The following MYH13 variants were observed in gnomAD, a reference collection of about 807,000 sequenced individuals.
MYH13 encodes the protein myosin heavy chain 13.
A neutral mutation model predicts 232.1 loss-of-function variants in MYH13; 177 were observed. The observed-to-expected ratio is 0.76, with a 90% CI of 0.67 to 0.86. MYH13 has a LOEUF of 0.86. Ranked by LOEUF, MYH13 falls within the 40% of genes least tolerant of loss-of-function variation. The pLI is 0.00. For synonymous variants in MYH13, 884 were observed against 923.5 expected, an observed-to-expected ratio of 0.96 and a Z score of 0.78; for missense variants, 2,246 against 2,405.9, an observed-to-expected ratio of 0.93 and a Z score of 1.39.
At position 10,357,819 on chromosome 17, in the gene MYH13, T is replaced by A; in HGVS notation, c.654A>T (p.Leu218=). 6.2e-7 allele frequency: 1 copy of A among 1,613,338 alleles called. No individual in the cohort carries two copies. Among genetic ancestry groups the A allele is most frequent in the Non-Finnish European group, 8.5e-7 (1 of 1,179,488 alleles). ...ETQPGKMQGT[L]EDQIIQANPL... is the part of the protein sequence containing the mutation. ...GGTTGGCCTGGATGATCTGATCCTCTAGGGTTCCCTAATAATAAACAAGAA... is the reference window on the plus strand; with the variant it reads ...GGTTGGCCTGGATGATCTGATCCTCAAGGGTTCCCTAATAATAAACAAGAA... The change falls in exon 8 of 41, where the codon CTA becomes CTT. Residue 218 remains leucine (L), a synonymous_variant. Transcript: ENST00000252172.
rs184103720 is a variant in MYH13, at chr17:10,308,495, C to T, written c.5169+739G>A. Among the ~76,000 whole-genome samples, 218 of 135,284 alleles carry T rather than the reference C, an allele frequency of 1.6e-3. 1 individual carries two copies. Among genetic ancestry groups the T allele is most frequent in the African/African-American group, 5.6e-3 (199 of 35,572 alleles). The allele number at this position is 135,284 out of a possible 152,430, so 88.8% of individuals were successfully genotyped here. Reference sequence around the variant, plus strand: ...AGACAAGGTTTTGCCATATTGCCCACGCTGGTCTCAGACTCCTGAGATCAA... The same window carrying T: ...AGACAAGGTTTTGCCATATTGCCCATGCTGGTCTCAGACTCCTGAGATCAA... On this transcript the variant is annotated intron_variant, in intron 35 of 40. Transcript: ENST00000252172.
chr17:10,362,716 G>C (rs757325596), intron 3 of MYH13, among the ~76,000 whole-genome samples: 1 of 152,172 alleles, frequency 6.6e-6, no homozygotes, highest in Non-Finnish European at 1.5e-5. Context: ...ATTCTGGTCT[G>C]ATGCCCCTCA....
At chr17:10,307,773 C>T (rs938655914) in intron 35 of MYH13, among the ~76,000 whole-genome samples, 4 of 152,080 alleles carry the variant, frequency 2.6e-5, no homozygotes, top group African/African-American at 7.2e-5. Flanking sequence ...ATTTATATTA[C>T]AAATACTTTT....
At chr17:10,361,786 C>A (rs1029377474) in intron 5 of MYH13, among the ~76,000 whole-genome samples, 1 of 152,218 alleles carries the variant, frequency 6.6e-6, no homozygotes. Flanking sequence ...ATTTCTCCAA[C>A]GTAGCATTCC....
In MYH13 at chr17:10,301,023, ACAT is replaced by A. The variant is rs532028047; in HGVS notation, c.5803-61_5803-59del. ...ATGAGTCAACTAAATGGGAGACTGA[ACAT>A]CATCTTGAAGTGAAGCAGCTGGAAA... On this transcript the variant is annotated intron_variant, in intron 40 of 40. Transcript: ENST00000252172. 52 of 1,480,498 alleles carry A rather than the reference ACAT, an allele frequency of 3.5e-5. No homozygotes were observed. The Admixed American group carries it at 4.0e-4, about 12-fold the overall frequency. The allele number at this position is 1,480,498 out of a possible 1,614,324, so 91.7% of individuals were successfully genotyped here.
At chr17:10,363,315 C>CAAAAAAAAAA (rs11390504) in intron 3 of MYH13, among the ~76,000 whole-genome samples, 16 of 91,766 alleles carry the variant, frequency 1.7e-4, no homozygotes, top group African/African-American at 6.1e-4. Flanking sequence ...GACTCCGTCT[C>CAAAAAAAAAA]AAAAAAAAAA....
At chr17:10,323,824 A>AAGAAGAAGAAGAAGAAGG (rs1567661532) in intron 23 of MYH13, among the ~76,000 whole-genome samples, 198 bp downstream of exon 23, 2 of 144,654 alleles carry the variant, frequency 1.4e-5, no homozygotes, top group African/African-American at 5.1e-5. Context: ...GAAGAAGAAG[A>AAGAAGAAGAAGAAGAAGG]AGAAGAAGAG....
At chr17:10,338,764 G>A (rs1432233035) in intron 18 of MYH13, among the ~76,000 whole-genome samples, 1 of 149,994 alleles carries the variant, frequency 6.7e-6, no homozygotes, top group Non-Finnish European at 1.5e-5. Context: ...GCAGTGGCAC[G>A]ATCTCGGCTC....
Position 10,319,409 on chromosome 17 carries a change from C to T in MYH13, c.3349-230G>A, listed in dbSNP as rs530111244. ...CTGTAGTCCCAGCTACTCGGGAGGC[C>T]GAGGCAGGAGAATAGCTTGAACCTG... is the stretch of plus-strand genomic sequence containing the variant. On this transcript the variant is annotated intron_variant, in intron 26 of 40. Coordinates refer to ENST00000252172, the MANE Select transcript of MYH13 (RefSeq NM_003802.3). Among the ~76,000 whole-genome samples the T allele has an allele frequency of 4.3e-4, 65 of 151,080 alleles. 1 individual carries two copies. In the South Asian group the frequency reaches 0.012, roughly 27 times the overall value.
chr17:10,323,789 AGAAGAAGAAGAAG>A (rs1298560719), intron 23 of MYH13, among the ~76,000 whole-genome samples: 28 of 37,424 alleles, frequency 7.5e-4, no homozygotes, highest in East Asian at 2.7e-3. Flanking sequence ...AAAAAAAAAA[AGAAGAAGAAGAAG>A]AAGAAGAAGA....
chr17:10,369,110 GCCTATTACCTT>G (rs1020210695), intron 2 of MYH13, among the ~76,000 whole-genome samples: 1 of 152,056 alleles, frequency 6.6e-6, no homozygotes, highest in Non-Finnish European at 1.5e-5. Context: ...TTATTTTAAA[GCCTATTACCTT>G]ATTTTATCAA....
At chr17:10,328,517 T>C (rs910548267) in intron 21 of MYH13, among the ~76,000 whole-genome samples, 5 of 152,206 alleles carry the variant, frequency 3.3e-5, no homozygotes, top group Non-Finnish European at 7.3e-5. Flanking sequence ...TTTGAAACTT[T>C]CTCTGCCTTA....
intron 11 of MYH13, among the ~76,000 whole-genome samples, chr17:10,353,778 CA>C (rs2071727856): frequency 6.6e-6 from 1 of 152,012 alleles, no homozygotes; most frequent in Non-Finnish European, 1.5e-5. Context: ...GAGGCTGAGG[CA>C]AGAGAATCTC....
At chr17:10,337,891 A>G (rs916921518) in intron 18 of MYH13, among the ~76,000 whole-genome samples, 2 of 152,164 alleles carry the variant, frequency 1.3e-5, no homozygotes, top group Non-Finnish European at 2.9e-5. Flanking sequence ...CATCTCTACT[A>G]AAAGTACAAA....
chr17:10,348,457 T>C (rs534115139), intron 12 of MYH13, among the ~76,000 whole-genome samples: 1 of 152,258 alleles, frequency 6.6e-6, no homozygotes, highest in South Asian at 2.1e-4. Context: ...ACTCATGTTA[T>C]ACGGTTGTCG....
chr17:10,348,489 T>C (rs2071684689), intron 12 of MYH13, among the ~76,000 whole-genome samples: 1 of 152,218 alleles, frequency 6.6e-6, no homozygotes, highest in African/African-American at 2.4e-5. Flanking sequence ...TGGTGACTAG[T>C]GAGCACCCAG....
At chr17:10,340,875 G>A (rs978897899) in intron 16 of MYH13, among the ~76,000 whole-genome samples, 1 of 152,100 alleles carries the variant, frequency 6.6e-6, no homozygotes, top group African/African-American at 2.4e-5. Context: ...AATGGGGTGG[G>A]AATGGGGTGT....
At chr17:10,371,802 T>C (rs1057013581) in intron 1 of MYH13, among the ~76,000 whole-genome samples, 3 of 152,160 alleles carry the variant, frequency 2.0e-5, no homozygotes, top group African/African-American at 7.2e-5. Context: ...TTATAAATTG[T>C]GGACAAAGAC....
chr17:10,337,780 C>T (rs1482381869), intron 18 of MYH13, among the ~76,000 whole-genome samples: 1 of 152,148 alleles, frequency 6.6e-6, no homozygotes, highest in African/African-American at 2.4e-5. Context: ...TAGGGCCGGG[C>T]GCGGTGGCTC....
Sources: gnomAD v4.1 joint callset for allele counts (sites outside exome capture counted in the v4.1 genomes callset) on GRCh38, gnomAD v4.1.1 for gene constraint, MANE v1.5 for transcripts, NCBI Gene and HGNC (gene_info 2026-07-23, HGNC 2026-07-21) for gene names.